Variants in WDR41 observed in about 807,000 individuals in gnomAD.
The protein encoded by WDR41 is WD repeat domain 41.
In WDR41, 63 loss-of-function variants were observed where a neutral mutation model predicts 69.3. The ratio of observed to expected loss-of-function variants is 0.91; its 90% confidence interval spans 0.74 to 1.12. The LOEUF is 1.12. Ranked by LOEUF, WDR41 falls within the 50% of genes most tolerant of loss-of-function variation. The pLI is 0.00. For synonymous variants in WDR41, 185 were observed against 192.1 expected (o/e 0.96, Z 0.31); for missense variants, 543 against 534.5 (o/e 1.02, Z -0.16).
At chr5:77,437,954 T>C (rs1165407550) in intron 10 of WDR41, among the ~76,000 whole-genome samples, 1 of 152,228 alleles carries the variant, frequency 6.6e-6, no homozygotes, top group African/African-American at 2.4e-5. Flanking sequence ...TGGTACAATG[T>C]AAGTGGCCCC....
intron 8 of WDR41, 28 bp from the exon 9 acceptor site, chr5:77,441,025 A>G: frequency 6.2e-7 from 1 of 1,607,984 alleles, no homozygotes; most frequent in Non-Finnish European, 8.5e-7. Flanking sequence ...ATGCCTCATT[A>G]TCGATCATTT....
Position 77,432,950 on chromosome 5 carries a change from T to TA in WDR41, c.*184dup, listed in dbSNP as rs545477720. ...AACTTGTGGTATATTCTTTGGAGGATATACTAGGACCTGAGAAGCAACATG... is the reference window on the plus strand; with the variant it reads ...AACTTGTGGTATATTCTTTGGAGGATAATACTAGGACCTGAGAAGCAACATG... On this transcript the variant is annotated 3_prime_UTR_variant, in exon 13 of 13. Coordinates refer to ENST00000296679, the MANE Select transcript of WDR41 (RefSeq NM_018268.4). 5.7e-4 allele frequency: 323 copies of TA among 568,262 alleles called. 5 individuals are homozygous for TA. The African/African-American group carries it at 5.9e-3, about 10-fold the overall frequency. 35.2% of individuals were successfully genotyped at this position (568,262 alleles called of 1,614,324 possible).
intron 1 of WDR41, chr5:77,620,438 G>A: frequency 2.2e-6 from 1 of 456,086 alleles, no homozygotes; most frequent in South Asian, 1.5e-5. Context: ...AAAATATTGG[G>A]GGATGAAGAA....
At chr5:77,613,552 C>A (rs1744610194) in intron 1 of WDR41, among the ~76,000 whole-genome samples, 1 of 152,074 alleles carries the variant, frequency 6.6e-6, no homozygotes, top group Non-Finnish European at 1.5e-5. Flanking sequence ...GGAAAGGATT[C>A]CCTATTTAAT....
chr5:77,461,450 A>ATCTT (rs897471815), intron 4 of WDR41, among the ~76,000 whole-genome samples: 1 of 152,238 alleles, frequency 6.6e-6, no homozygotes, highest in African/African-American at 2.4e-5. Context: ...GTTCTGTAAG[A>ATCTT]GCCTAAGAAA....
At chr5:77,578,864 CAAAAAAA>C (rs55920763) in intron 1 of WDR41, among the ~76,000 whole-genome samples, 1 of 77,200 alleles carries the variant, frequency 1.3e-5, no homozygotes, top group Non-Finnish European at 2.6e-5. Flanking sequence ...AACTCCATCT[CAAAAAAA>C]AAAAAAAAAA....
chr5:77,533,350 T>C (rs1378175620), intron 1 of WDR41, among the ~76,000 whole-genome samples: 1 of 152,146 alleles, frequency 6.6e-6, no homozygotes, highest in East Asian at 1.9e-4. Flanking sequence ...TAAGGAAAGA[T>C]AGGTAGTCAG....
Position 77,489,446 on chromosome 5 carries a change from T to C in WDR41, c.167+11A>G, listed in dbSNP as rs1561201623. 2.6e-6 allele frequency: 4 copies of C among 1,527,346 alleles called. No homozygotes were observed. The highest frequency in any genetic ancestry group is 1.9e-5 in the Admixed American group (1 of 52,758). 94.6% of individuals were successfully genotyped at this position (1,527,346 alleles called of 1,614,324 possible). On this transcript the variant is annotated intron_variant, in intron 2 of 12. Coordinates refer to ENST00000296679, the MANE Select transcript of WDR41 (RefSeq NM_018268.4). ...CAAACAATAGTCAATTAGACCACTA[T>C]AGCTTCTTACCTGTAGTCATCTAAC...
At chr5:77,446,229 G>C (rs1319665960) in intron 8 of WDR41, among the ~76,000 whole-genome samples, 1 of 152,120 alleles carries the variant, frequency 6.6e-6, no homozygotes, top group Non-Finnish European at 1.5e-5. Flanking sequence ...GGATGTGAAG[G>C]ACCTCTTCAA....
upstream of WDR41, among the ~76,000 whole-genome samples, chr5:77,492,936 A>G (rs866561854): frequency 6.6e-6 from 1 of 152,204 alleles, no homozygotes; most frequent in Non-Finnish European, 1.5e-5. Flanking sequence ...AAGTGGCTAC[A>G]TTGGTAGTGT....
intron 1 of WDR41, 36 bp from the exon 2 acceptor site, chr5:77,489,608 A>G: frequency 7.8e-7 from 1 of 1,277,582 alleles, no homozygotes; most frequent in Non-Finnish European, 1.1e-6. Context: ...AAAAAACAAA[A>G]GACAAAAAAA....
chr5:77,588,058 T>G (rs1198929511), intron 1 of WDR41, among the ~76,000 whole-genome samples: 1 of 152,224 alleles, frequency 6.6e-6, no homozygotes, highest in Non-Finnish European at 1.5e-5. Context: ...CACCTTATCA[T>G]ATGCTTATTG....
At chr5:77,572,133 T>C (rs1205244579) in intron 1 of WDR41, among the ~76,000 whole-genome samples, 2 of 152,192 alleles carry the variant, frequency 1.3e-5, no homozygotes, top group Non-Finnish European at 2.9e-5. Context: ...AAGGTTCACT[T>C]TATAAAAGCT....
At chr5:77,464,868 T>C (rs1337288886) in intron 2 of WDR41, 59 bp from the exon 3 acceptor site, 4 of 1,538,768 alleles carry the variant, frequency 2.6e-6, no homozygotes, top group South Asian at 1.1e-5. Context: ...ATTACTAAGA[T>C]TAAGAACTAT....
chr5:77,531,851 A>G (rs73126008), intron 1 of WDR41, among the ~76,000 whole-genome samples: 14,345 of 152,008 alleles, frequency 0.094, 1,421 homozygotes, highest in African/African-American at 0.25. Context: ...AGCCAGACAC[A>G]AAAGGTCGCA....
chr5:77,576,170 C>G (rs1166333648), intron 1 of WDR41, among the ~76,000 whole-genome samples: 1 of 152,032 alleles, frequency 6.6e-6, no homozygotes, highest in African/African-American at 2.4e-5. Context: ...TTAGAAGAAC[C>G]CCTCGATCTA....
chr5:77,500,670 A>G (rs7714283), intron 1 of WDR41, among the ~76,000 whole-genome samples: 50,248 of 152,082 alleles, frequency 0.33, 8,357 homozygotes, highest in East Asian at 0.36. Flanking sequence ...CATTTACAAA[A>G]TTGAATTCAT....
intron 8 of WDR41, among the ~76,000 whole-genome samples, chr5:77,441,330 T>C (rs938409750): frequency 1.3e-5 from 2 of 152,044 alleles, no homozygotes; most frequent in East Asian, 3.9e-4. Context: ...GATTAAAACA[T>C]GAAAGTTAGT....
intron 7 of WDR41, among the ~76,000 whole-genome samples, chr5:77,450,896 T>G (rs1799600998): frequency 6.6e-6 from 1 of 152,178 alleles, no homozygotes; most frequent in Admixed American, 6.5e-5. Context: ...TCTATCCAGG[T>G]TATTTAATCC....
Sources: gnomAD v4.1 joint callset for allele counts (sites outside exome capture counted in the v4.1 genomes callset) on GRCh38, gnomAD v4.1.1 for gene constraint, MANE v1.5 for transcripts, NCBI Gene and HGNC (gene_info 2026-07-23, HGNC 2026-07-21) for gene names.